The following USH2A variants were observed in gnomAD, a reference collection of about 807,000 sequenced individuals.
USH2A encodes the protein usherin, also known as Usher syndrome 2A (autosomal recessive, mild).
USH2A carries 443 observed loss-of-function variants against 538.9 expected under a neutral mutation model. The ratio of observed to expected loss-of-function variants is 0.82; its 90% CI spans 0.76 to 0.89. The LOEUF (loss-of-function observed/expected upper bound fraction) is 0.89. USH2A is among the 40% of genes least tolerant of loss of function. USH2A has a pLI of 0.00. For synonymous variants in USH2A, 2,413 were observed against 2,273.5 expected (o/e 1.06, Z -1.75); for missense variants, 6,633 against 6,324.8 (o/e 1.05, Z -1.65).
chr1:215,651,521 G>A (rs987930881), intron 64 of USH2A, among the ~76,000 whole-genome samples: 1 of 152,120 alleles, frequency 6.6e-6, no homozygotes, highest in Non-Finnish European at 1.5e-5. Flanking sequence ...GCTTTCATGT[G>A]AAAGCCTAAC....
intron 21 of USH2A, among the ~76,000 whole-genome samples, chr1:216,143,744 G>A (rs936593554): frequency 5.3e-5 from 8 of 152,116 alleles, no homozygotes; most frequent in South Asian, 2.1e-4. Context: ...ACCAATTAAC[G>A]TAAAATCAAT....
intron 3 of USH2A, among the ~76,000 whole-genome samples, chr1:216,412,156 T>A (rs2039499812): frequency 6.6e-6 from 1 of 152,020 alleles, no homozygotes; most frequent in African/African-American, 2.4e-5. Flanking sequence ...AGTTTGTTTG[T>A]TTCCAATTTG....
intron 49 of USH2A, among the ~76,000 whole-genome samples, chr1:215,806,260 A>G (rs1662497998): frequency 6.7e-6 from 1 of 149,450 alleles, no homozygotes; most frequent in Non-Finnish European, 1.5e-5. Context: ...CTCTTGAATC[A>G]ACATATTTTT....
chr1:215,894,869 G>C (rs1158757996), intron 40 of USH2A, among the ~76,000 whole-genome samples: 2 of 152,110 alleles, frequency 1.3e-5, no homozygotes, highest in Non-Finnish European at 2.9e-5. Flanking sequence ...TTGCTTTCCA[G>C]CCTTACCCTG....
rs553986 is a variant in USH2A at position 215,959,685 on chromosome 1, T to G, written c.7120+5632A>C. On this transcript the variant is annotated intron_variant, in intron 37 of 71. Transcript: ENST00000307340. ...TCCCCCACAGTAATCCATATCTCTC[T>G]TTTTCAAATAAATATCTTTATTCTG... Among the ~76,000 whole-genome samples, 330 of 152,118 alleles carry G rather than the reference T, an allele frequency of 2.2e-3. 2 individuals carry two copies. Among genetic ancestry groups the G allele is most frequent in the African/African-American group, 7.2e-3 (301 of 41,534 alleles).
At chr1:216,008,016 C>A (rs1305815919) in intron 32 of USH2A, among the ~76,000 whole-genome samples, 1 of 152,186 alleles carries the variant, frequency 6.6e-6, no homozygotes, top group Non-Finnish European at 1.5e-5. Context: ...ACCACACAGA[C>A]AAGATTTTCA....
chr1:215,678,621 C>T (rs142285831), intron 62 of USH2A, among the ~76,000 whole-genome samples: 1 of 152,232 alleles, frequency 6.6e-6, no homozygotes, highest in African/African-American at 2.4e-5. Flanking sequence ...ATTCATCGCT[C>T]TCAGTAATTC....
At chr1:215,756,628 T>C (rs1296045981) in intron 58 of USH2A, among the ~76,000 whole-genome samples, 2 of 152,030 alleles carry the variant, frequency 1.3e-5, no homozygotes, top group Non-Finnish European at 2.9e-5. Flanking sequence ...CAAGGAGAAA[T>C]ATACTAAAAA....
At chr1:216,367,378 C>T (rs1020632728) in intron 3 of USH2A, among the ~76,000 whole-genome samples, 4 of 152,250 alleles carry the variant, frequency 2.6e-5, no homozygotes, top group Non-Finnish European at 4.4e-5. Context: ...TTCTTTATAG[C>T]AGGTAACACT....
At chr1:216,062,892 T>A (rs2031230684) in intron 30 of USH2A, among the ~76,000 whole-genome samples, 1 of 152,182 alleles carries the variant, frequency 6.6e-6, no homozygotes, top group Admixed American at 6.5e-5. Context: ...GAGCTTATTA[T>A]ACAACAAAAA....
At chr1:215,916,481 G>C (rs1212963736) in intron 38 of USH2A, among the ~76,000 whole-genome samples, 1 of 152,026 alleles carries the variant, frequency 6.6e-6, no homozygotes, top group Non-Finnish European at 1.5e-5. Flanking sequence ...TAGGTTTATT[G>C]TTCTGAGGGA....
At chr1:216,297,223 C>T (rs1179869163) in intron 9 of USH2A, among the ~76,000 whole-genome samples, 1 of 151,826 alleles carries the variant, frequency 6.6e-6, no homozygotes, top group East Asian at 1.9e-4. Context: ...CTGTAAAGAC[C>T]AATCAGTTAT....
At chr1:215,671,987 C>T (rs1657832828) in intron 63 of USH2A, among the ~76,000 whole-genome samples, 1 of 152,274 alleles carries the variant, frequency 6.6e-6, no homozygotes, top group East Asian at 1.9e-4. Flanking sequence ...AAAGTTAACC[C>T]AACTACACAC....
At chr1:216,165,098 G>C (rs1306221538) in intron 21 of USH2A, among the ~76,000 whole-genome samples, 1 of 152,126 alleles carries the variant, frequency 6.6e-6, no homozygotes, top group Non-Finnish European at 1.5e-5. Context: ...CCTTGAAATA[G>C]AATTCAATCA....
intron 37 of USH2A, among the ~76,000 whole-genome samples, chr1:215,954,436 CCAT>C (rs1414241772): frequency 6.6e-6 from 1 of 151,668 alleles, no homozygotes; most frequent in African/African-American, 2.4e-5. Flanking sequence ...AAGCTGGAAA[CCAT>C]CATTCTCAGC....
chr1:216,087,212 A>G (rs1399580219), intron 23 of USH2A, among the ~76,000 whole-genome samples: 1 of 152,156 alleles, frequency 6.6e-6, no homozygotes, highest in Admixed American at 6.6e-5. Context: ...GAGAAGAGGC[A>G]AAGTTATTTG....
At chr1:215,770,801 C>T (rs1489611905) in intron 55 of USH2A, among the ~76,000 whole-genome samples, 1 of 151,888 alleles carries the variant, frequency 6.6e-6, no homozygotes, top group Non-Finnish European at 1.5e-5. Context: ...CCTATGATCA[C>T]AGACATAAGA....
chr1:216,017,135 C>A (rs1254717332), intron 32 of USH2A, among the ~76,000 whole-genome samples: 2 of 151,932 alleles, frequency 1.3e-5, no homozygotes, highest in African/African-American at 4.8e-5. Context: ...TGAGAGAAAG[C>A]CCCTCGTTTC....
intron 38 of USH2A, among the ~76,000 whole-genome samples, chr1:215,905,577 A>G (rs895734483): frequency 3.3e-5 from 5 of 152,108 alleles, no homozygotes; most frequent in African/African-American, 1.2e-4. Context: ...TATAAATGCT[A>G]CGGGGGACTC....
Sources: gnomAD v4.1 joint callset for allele counts (sites outside exome capture counted in the v4.1 genomes callset) on GRCh38, gnomAD v4.1.1 for gene constraint, MANE v1.5 for transcripts, NCBI Gene and HGNC (gene_info 2026-07-23, HGNC 2026-07-21) for gene names.